The following RANBP2 variants were observed in gnomAD, a reference collection of about 807,000 sequenced individuals.
The protein encoded by RANBP2 is E3 SUMO-protein ligase RanBP2.
RANBP2 carries 57 observed loss-of-function variants against 303.6 expected under a neutral mutation model. The observed-to-expected ratio is 0.19, with a 90% CI of 0.15 to 0.23. The LOEUF is 0.23. Ranked by LOEUF, RANBP2 falls within the 10% of genes least tolerant of loss-of-function variation. The pLI, the probability that RANBP2 is intolerant of heterozygous loss-of-function variation, is 1.00. For missense variants in RANBP2, 3,138 were observed against 3,780.8 expected (o/e 0.83, Z 4.46); for synonymous variants, 1,167 against 1,301.5 (o/e 0.90, Z 2.23).
At chr2:109,015,324 C>T in the RANBP2 span, among the ~76,000 whole-genome samples, 7 of 152,016 alleles carry the variant, frequency 4.6e-5, no homozygotes, top group Non-Finnish European at 1.0e-4. Flanking sequence ...CCTCTTCCTC[C>T]TCAGCCCACT....
the RANBP2 span, among the ~76,000 whole-genome samples, chr2:109,034,767 G>C: frequency 6.6e-6 from 1 of 152,202 alleles, no homozygotes; most frequent in Non-Finnish European, 1.5e-5. Flanking sequence ...CAGCAGAGAA[G>C]GCCTCCTCAA....
At chr2:109,304,421 CCTT>C in the RANBP2 span, among the ~76,000 whole-genome samples, 20 of 152,110 alleles carry the variant, frequency 1.3e-4, no homozygotes, top group Admixed American at 4.6e-4. Flanking sequence ...GACAAGACTT[CCTT>C]CTTTTTTAAG....
chr2:108,865,409 A>G, the RANBP2 span, among the ~76,000 whole-genome samples: 1 of 152,190 alleles, frequency 6.6e-6, no homozygotes, highest in Non-Finnish European at 1.5e-5. Context: ...ATCAGTTTCT[A>G]GAGATTCATC....
chr2:109,444,361 T>C, the RANBP2 span, among the ~76,000 whole-genome samples: 4 of 152,216 alleles, frequency 2.6e-5, no homozygotes, highest in African/African-American at 9.6e-5. Context: ...GAACACACAA[T>C]AGCCAAGTGC....
chr2:108,795,488 C>G, the RANBP2 span, among the ~76,000 whole-genome samples: 2 of 151,988 alleles, frequency 1.3e-5, no homozygotes, highest in Non-Finnish European at 2.9e-5. Context: ...TAAGCATCCA[C>G]GAGAAGTAGA....
the RANBP2 span, among the ~76,000 whole-genome samples, chr2:109,738,868 T>C: frequency 2.7e-3 from 401 of 150,070 alleles, 4 homozygotes; most frequent in African/African-American, 9.5e-3. Context: ...TGTTTTCTTG[T>C]AGCAGTTTCA....
At chr2:108,731,281 A>C (rs775948882) in intron 3 of RANBP2, 41 bp from the exon 4 acceptor site, 1 of 1,600,530 alleles carries the variant, frequency 6.2e-7, no homozygotes, top group African/African-American at 1.4e-5. Context: ...ATACATACAT[A>C]CAATTTATTT....
the RANBP2 span, among the ~76,000 whole-genome samples, chr2:109,120,055 C>T: frequency 6.6e-6 from 1 of 152,376 alleles, no homozygotes; most frequent in East Asian, 1.9e-4. Context: ...CTTGGGTCCT[C>T]CCTCTGAATT....
chr2:109,731,753 G>A, the RANBP2 span, among the ~76,000 whole-genome samples: 3 of 152,070 alleles, frequency 2.0e-5, no homozygotes, highest in South Asian at 6.2e-4. Flanking sequence ...CTCCCAAAGT[G>A]CTGGGATTAC....
chr2:109,671,216 C>A, the RANBP2 span, among the ~76,000 whole-genome samples: 1 of 151,858 alleles, frequency 6.6e-6, no homozygotes, highest in African/African-American at 2.4e-5. Context: ...TGTGGTCCTG[C>A]AGCTTGCCTC....
At chr2:109,077,382 A>T in the RANBP2 span, among the ~76,000 whole-genome samples, 1 of 150,690 alleles carries the variant, frequency 6.6e-6, no homozygotes, top group Admixed American at 6.6e-5. Flanking sequence ...TAATGAATAA[A>T]GTCCACTTAA....
the RANBP2 span, among the ~76,000 whole-genome samples, chr2:108,994,344 C>G: frequency 6.6e-6 from 1 of 152,200 alleles, no homozygotes; most frequent in South Asian, 2.1e-4. Flanking sequence ...GGGTTTGAGA[C>G]GGCCCCCACC....
the RANBP2 span, chr2:109,667,216 C>T: frequency 1.8e-6 from 2 of 1,103,778 alleles, no homozygotes; most frequent in Admixed American, 1.8e-5. Flanking sequence ...AAGAACAAGC[C>T]CAAGACCCAA....
the RANBP2 span, among the ~76,000 whole-genome samples, chr2:109,139,021 G>C: frequency 6.6e-6 from 1 of 152,212 alleles, no homozygotes; most frequent in Non-Finnish European, 1.5e-5. Context: ...GATGGCAGGG[G>C]ACGTGGAGTC....
the RANBP2 span, among the ~76,000 whole-genome samples, chr2:108,979,684 T>C: frequency 6.6e-6 from 1 of 152,086 alleles, no homozygotes; most frequent in South Asian, 2.1e-4. Flanking sequence ...AGGATGCAGA[T>C]GGCAGGAACT....
the RANBP2 span, among the ~76,000 whole-genome samples, chr2:109,532,469 A>G: frequency 6.6e-6 from 1 of 152,136 alleles, no homozygotes; most frequent in Non-Finnish European, 1.5e-5. Context: ...GGGGGCCTAG[A>G]AGCCCTGTGC....
chr2:109,508,806 G>C, the RANBP2 span, among the ~76,000 whole-genome samples: 90,780 of 151,868 alleles, frequency 0.6, 28,434 homozygotes, highest in African/African-American at 0.78. Flanking sequence ...CATGAAAGGA[G>C]AGACACAGCT....
chr2:108,722,237 C>A (rs1694318698), intron 1 of RANBP2, among the ~76,000 whole-genome samples: 1 of 152,136 alleles, frequency 6.6e-6, no homozygotes, highest in Non-Finnish European at 1.5e-5. Context: ...TATTATGACA[C>A]CTCTCTTACA....
At chr2:109,614,527 T>C in the RANBP2 span, 1 of 1,271,542 alleles carries the variant, frequency 7.9e-7, no homozygotes, top group Non-Finnish European at 9.8e-7. Context: ...GAGGCGGCGC[T>C]GGGCCCCGAG....
Sources: gnomAD v4.1 joint callset for allele counts (sites outside exome capture counted in the v4.1 genomes callset) on GRCh38, gnomAD v4.1.1 for gene constraint, MANE v1.5 for transcripts, NCBI Gene and HGNC (gene_info 2026-07-23, HGNC 2026-07-21) for gene names.